The following SVOP variants were observed in gnomAD, a reference collection of about 807,000 sequenced individuals.
The protein encoded by SVOP is synaptic vesicle 2-related protein.
In SVOP, 17 loss-of-function variants were observed where a neutral mutation model predicts 69.1. That is an observed-to-expected ratio of 0.25 (90% confidence interval 0.17 to 0.37). The LOEUF (loss-of-function observed/expected upper bound fraction) is 0.37. Among genes scored for constraint, SVOP ranks in the 10% least tolerant of loss-of-function variants. The pLI is 1.00. For missense variants in SVOP, 435 were observed against 597.5 expected (o/e 0.73, Z 2.84); for synonymous variants, 238 against 238.6 (o/e 1.00, Z 0.02).
intron 6 of SVOP, among the ~76,000 whole-genome samples, chr12:108,953,170 CAG>C (rs1209414535): frequency 2.0e-5 from 2 of 100,348 alleles, no homozygotes; most frequent in Admixed American, 1.7e-4. Context: ...TTTTTTGAGA[CAG>C]AGTTTCACTC....
chr12:108,974,974 G>T (rs895485169), intron 4 of SVOP, among the ~76,000 whole-genome samples: 2 of 152,132 alleles, frequency 1.3e-5, no homozygotes, highest in Non-Finnish European at 2.9e-5. Flanking sequence ...GGCATCATCT[G>T]CAACCTACAA....
At chr12:108,955,457 C>G (rs1311900573) in intron 6 of SVOP, among the ~76,000 whole-genome samples, 1 of 152,160 alleles carries the variant, frequency 6.6e-6, no homozygotes, top group Non-Finnish European at 1.5e-5. Flanking sequence ...CCTTCAAGCT[C>G]CAGTGGTTTG....
At chr12:108,977,535 G>A in intron 3 of SVOP, 39 bp from the exon 4 acceptor site, 4 of 1,420,414 alleles carry the variant, frequency 2.8e-6, no homozygotes, top group Non-Finnish European at 3.8e-6. Context: ...CCAGGATGCT[G>A]CTTGGTGCTG....
chr12:108,995,224 G>T (rs1272192641), intron 1 of SVOP, among the ~76,000 whole-genome samples: 1 of 152,006 alleles, frequency 6.6e-6, no homozygotes. Flanking sequence ...TAGCCAAAAG[G>T]CAGAAACAAC....
At chr12:108,951,244 A>C (rs898464948) in intron 6 of SVOP, among the ~76,000 whole-genome samples, 2 of 152,208 alleles carry the variant, frequency 1.3e-5, no homozygotes, top group Non-Finnish European at 2.9e-5. Flanking sequence ...AAACACAAGT[A>C]GGGCGTGGGT....
chr12:108,980,756 CAAA>C (rs1270692950), intron 2 of SVOP, among the ~76,000 whole-genome samples: 1 of 60,334 alleles, frequency 1.7e-5, no homozygotes, highest in Non-Finnish European at 3.2e-5. Flanking sequence ...GACTCCGTCT[CAAA>C]AAAAAAAAAA....
intron 5 of SVOP, among the ~76,000 whole-genome samples, chr12:108,962,046 T>C (rs1316155195): frequency 3.9e-5 from 6 of 152,216 alleles, no homozygotes; most frequent in African/African-American, 1.4e-4. Flanking sequence ...TTTTAATGAA[T>C]GACATACTCT....
chr12:109,013,060 C>T (rs2040350746), intron 1 of SVOP, among the ~76,000 whole-genome samples: 1 of 152,116 alleles, frequency 6.6e-6, no homozygotes, highest in Non-Finnish European at 1.5e-5. Flanking sequence ...ATAACACAGC[C>T]GACAGACAGA....
At chr12:109,007,339 C>CT (rs2040314483) in intron 1 of SVOP, among the ~76,000 whole-genome samples, 1 of 152,298 alleles carries the variant, frequency 6.6e-6, no homozygotes, top group East Asian at 1.9e-4. Context: ...AAGACAAGAC[C>CT]TGGGGCACTC....
intron 1 of SVOP, among the ~76,000 whole-genome samples, chr12:109,008,409 C>A (rs1425076097): frequency 6.6e-6 from 1 of 152,012 alleles, no homozygotes; most frequent in East Asian, 1.9e-4. Flanking sequence ...GATGTGATGA[C>A]CTTTAAGTTT....
At chr12:108,966,053 G>C (rs1221680242) in intron 5 of SVOP, among the ~76,000 whole-genome samples, 1 of 149,534 alleles carries the variant, frequency 6.7e-6, no homozygotes, top group Non-Finnish European at 1.5e-5. Flanking sequence ...CCAGGCTGGA[G>C]TGCAGTGGCT....
chr12:108,915,694 G>A, intron 15 of SVOP, 89 bp downstream of exon 15: 2 of 1,355,160 alleles, frequency 1.5e-6, no homozygotes, highest in Non-Finnish European at 2.0e-6. Context: ...CAACCCGAGG[G>A]CTCTGGGGAC....
At chr12:109,011,520 C>T (rs1408346540) in intron 1 of SVOP, among the ~76,000 whole-genome samples, 5 of 152,214 alleles carry the variant, frequency 3.3e-5, no homozygotes, top group Admixed American at 1.3e-4. Flanking sequence ...GGAAGTCTCA[C>T]GTGTGCCTTT....
At position 108,910,071 on chromosome 12, in the gene SVOP, G is replaced by A. The variant is rs371710377; in HGVS notation, c.*2464C>T. On this transcript the variant is annotated 3_prime_UTR_variant, in exon 16 of 16. Coordinates refer to ENST00000610966, the MANE Select transcript of SVOP (RefSeq NM_018711.5). ...GCCTCCTGGGTTCACGCCATTCTCC[G>A]GCCTCAGCCTCCTGAGTAGCTGGGA... The A allele has an allele frequency of 5.3e-5, 8 of 152,068 alleles. No homozygotes were observed. Among genetic ancestry groups the A allele is most frequent in the Admixed American group, 2.6e-4 (4 of 15,246 alleles). The allele number at this position is 152,068 out of a possible 1,614,324, so 9.4% of individuals were successfully genotyped here.
In SVOP at chr12:108,910,913, GT is replaced by G. The variant is rs2039677792; in HGVS notation, c.*1621del. On this transcript the variant is annotated 3_prime_UTR_variant, in exon 16 of 16. Coordinates refer to ENST00000610966, the MANE Select transcript of SVOP (RefSeq NM_018711.5). The stretch of plus-strand genomic sequence containing the variant: ...CCATCACTGACATGTTTTAATAAGA[GT>G]TGAACGCACAAATTGGCTTCCTTGC... The G allele has an allele frequency of 6.6e-6, 1 of 152,204 alleles. No individual in the cohort carries two copies. The highest frequency in any genetic ancestry group is 1.5e-5 in the Non-Finnish European group (1 of 68,068). The allele number at this position is 152,204 out of a possible 1,614,324, so 9.4% of individuals were successfully genotyped here.
chr12:108,935,918 C>A (rs1283351738), intron 10 of SVOP, among the ~76,000 whole-genome samples: 1 of 152,034 alleles, frequency 6.6e-6, no homozygotes, highest in Non-Finnish European at 1.5e-5. Context: ...TAAAAGGATG[C>A]CCATGTTGAC....
chr12:108,988,864 C>T (rs2040182364), intron 1 of SVOP, among the ~76,000 whole-genome samples: 1 of 150,436 alleles, frequency 6.6e-6, no homozygotes, highest in Non-Finnish European at 1.5e-5. Context: ...CCTCCGCTTC[C>T]CAGGTTCAAG....
intron 9 of SVOP, 113 bp from the exon 10 acceptor site, chr12:108,937,450 A>G: frequency 1.0e-6 from 1 of 988,520 alleles, no homozygotes; most frequent in East Asian, 2.4e-5. Flanking sequence ...TCTAGTAAGT[A>G]GGACACTGGA....
chr12:108,998,071 TAGA>T, intron 1 of SVOP, among the ~76,000 whole-genome samples: 1 of 151,898 alleles, frequency 6.6e-6, no homozygotes, highest in South Asian at 2.1e-4. Flanking sequence ...GAAAAAAATT[TAGA>T]AGAACGTATA....
Sources: gnomAD v4.1 joint callset for allele counts (sites outside exome capture counted in the v4.1 genomes callset) on GRCh38, gnomAD v4.1.1 for gene constraint, MANE v1.5 for transcripts, NCBI Gene and HGNC (gene_info 2026-07-23, HGNC 2026-07-21) for gene names.